MIS18BP1: variants seen among roughly 807,000 people sequenced by gnomAD.
MIS18BP1 encodes the protein MIS18 binding protein 1.
In MIS18BP1, 72 loss-of-function variants were observed where a neutral mutation model predicts 116.1. The observed-to-expected ratio is 0.62, with a 90% CI of 0.51 to 0.75. The LOEUF (loss-of-function observed/expected upper bound fraction) is 0.75. Ranked by LOEUF, MIS18BP1 falls within the 30% of genes least tolerant of loss-of-function variation. The probability of loss-of-function intolerance (pLI) is 0.00; values close to 1 mark genes in which losing one functional copy is unlikely to be tolerated. For synonymous variants in MIS18BP1, 386 were observed against 427.0 expected (o/e 0.90, Z 1.18); for missense variants, 1,363 against 1,303.2 (o/e 1.05, Z -0.71).
At chr14:45,219,398 A>G (rs576818360) in intron 11 of MIS18BP1, among the ~76,000 whole-genome samples, 69 of 152,212 alleles carry the variant, frequency 4.5e-4, no homozygotes, top group Admixed American at 8.5e-4. Flanking sequence ...TCAAGCTACC[A>G]ACATGTCACT....
At chr14:45,225,856 T>C (rs374833393) in intron 10 of MIS18BP1, among the ~76,000 whole-genome samples, 3 of 152,286 alleles carry the variant, frequency 2.0e-5, no homozygotes, top group South Asian at 2.1e-4. Flanking sequence ...TTATGTGCCA[T>C]TGTTTACAAG....
intron 2 of MIS18BP1, among the ~76,000 whole-genome samples, chr14:45,244,203 A>G (rs1037014392): frequency 1.1e-4 from 17 of 152,178 alleles, no homozygotes; most frequent in African/African-American, 3.9e-4. Flanking sequence ...CCTATGAGAC[A>G]TAGAGCAAGC....
intron 11 of MIS18BP1, among the ~76,000 whole-genome samples, 192 bp downstream of exon 11, chr14:45,223,726 C>A (rs1251775079): frequency 6.6e-6 from 1 of 152,186 alleles, no homozygotes; most frequent in Non-Finnish European, 1.5e-5. Flanking sequence ...CTCGTACTTT[C>A]CTCGTATTAG....
chr14:45,242,853 A>G lies in MIS18BP1; in HGVS notation c.566T>C (p.Leu189Pro). 7 of 1,611,306 alleles carry G rather than the reference A, an allele frequency of 4.3e-6. No homozygotes were observed. The highest frequency in any genetic ancestry group is 5.9e-6 in the Non-Finnish European group (7 of 1,178,350). Residue 189 changes from leucine (L) to proline (P), a missense_variant, in exon 3 of 17, where the codon CTA (leucine) becomes CCA (proline). By Grantham distance (98) the Leu-to-Pro change is moderately conservative. Transcript: ENST00000310806. ...GAAAATATCATTATTTGATGATTCT[A>G]GAGGAACTCCTTGGACTGAGGCTAA... The part of the protein sequence containing the change: ...SLRASVQGVP[L>P]ESSNNDIFLP...
chr14:45,229,645 A>T (rs1253945545), intron 8 of MIS18BP1, among the ~76,000 whole-genome samples: 1 of 152,200 alleles, frequency 6.6e-6, no homozygotes, highest in African/African-American at 2.4e-5. Flanking sequence ...TAATATTTGC[A>T]ATTAAGATCA....
At chr14:45,252,738 G>A (rs1208619708) in intron 1 of MIS18BP1, among the ~76,000 whole-genome samples, 3 of 150,232 alleles carry the variant, frequency 2.0e-5, no homozygotes, top group Non-Finnish European at 2.9e-5. Context: ...GTTGGGTACT[G>A]AGGAATACAA....
chr14:45,217,046 T>G lies in MIS18BP1; in HGVS notation c.2976A>C (p.Thr992=). ...PKDDHDDFFS[T]TPLQHQRILL... ...GTATTCTTTGATGCTGTAAAGGTGT[T>G]GTACTGAAAAAATCATCATGGTCAT... The change falls in exon 13 of 17, where the codon ACA becomes ACC. Residue 992 remains threonine, a synonymous_variant. Transcript: ENST00000310806. 1 of 1,614,098 alleles carries G rather than the reference T, an allele frequency of 6.2e-7. No homozygotes were observed. The highest frequency in any genetic ancestry group is 8.5e-7 in the Non-Finnish European group (1 of 1,179,980).
At position 45,227,768 on chromosome 14, in the gene MIS18BP1, T is replaced by A. The variant is rs1286880982; in HGVS notation, c.1641A>T (p.Leu547Phe). ...TTTGGCAATTACTGTGGCACATGTTTAATTCTGTAGCTCCTGGTGACTCAC... is the reference window on the plus strand; with the variant it reads ...TTTGGCAATTACTGTGGCACATGTTAAATTCTGTAGCTCCTGGTGACTCAC... Reference protein sequence around the residue: ...KHSESPGATELNMCHSNCQNK... With the variant: ...KHSESPGATEFNMCHSNCQNK... Residue 547 changes from leucine to phenylalanine, a missense_variant, in exon 9 of 17, where the codon TTA (leucine) becomes TTT (phenylalanine). Coordinates refer to ENST00000310806, the MANE Select transcript of MIS18BP1 (RefSeq NM_018353.5). The A allele has an allele frequency of 6.2e-7, 1 of 1,614,068 alleles. No individual in the cohort carries two copies.
At chr14:45,251,832 TTC>T (rs1421693148) in intron 1 of MIS18BP1, among the ~76,000 whole-genome samples, 6 of 152,236 alleles carry the variant, frequency 3.9e-5, no homozygotes, top group African/African-American at 7.2e-5. Flanking sequence ...ACAGTGAGAT[TTC>T]TTTTTCATAT....
chr14:45,224,659 A>T lies in MIS18BP1; in HGVS notation c.1928T>A (p.Ile643Asn). 1 of 1,612,366 alleles carries T rather than the reference A, an allele frequency of 6.2e-7. No individual in the cohort carries two copies. Among genetic ancestry groups the T allele is most frequent in the Non-Finnish European group, 8.5e-7 (1 of 1,179,520 alleles). ...TAAAATATAAGCTTTCTTCTGATTG[A>T]TGGCCATGTATTTTCTTTCTTCATC... ...FSDEERKYMA[I>N]NQKKAYILVT... Residue 643 changes from isoleucine to asparagine, a missense_variant, in exon 11 of 17, where the codon ATC becomes AAC. Physicochemically the swap from Ile to Asn is moderately radical, Grantham distance 149. Transcript: ENST00000310806.
Position 45,224,114 on chromosome 14 carries a change from C to A in MIS18BP1, c.2473G>T (p.Glu825Ter). 6.2e-7 allele frequency: 1 copy of A among 1,612,482 alleles called. No individual in the cohort carries two copies. Among genetic ancestry groups the A allele is most frequent in the Non-Finnish European group, 8.5e-7 (1 of 1,179,688 alleles). The change falls in exon 11 of 17, where the codon GAA (glutamate) becomes TAA (stop). Residue 825 changes from glutamate (E) to a stop codon, truncating the protein, a stop_gained. Coordinates refer to ENST00000310806, the MANE Select transcript of MIS18BP1 (RefSeq NM_018353.5). LOFTEE classifies it high-confidence loss of function. ...VILEPETEESENEFYIKQKKA... is the reference protein window; with the variant it reads ...VILEPETEES ...TTTTGTTTGATATAAAATTCATTTT[C>A]ACTTTCTTCAGTTTCAGGTTCCAAA...
At chr14:45,247,496 G>A (rs1891755329) in intron 1 of MIS18BP1, 119 bp from the exon 2 acceptor site, 4 of 400,312 alleles carry the variant, frequency 1.0e-5, no homozygotes, top group Non-Finnish European at 1.3e-5. Flanking sequence ...AACAATACTA[G>A]ATAATCACAA....
chr14:45,215,553 T>TAA, intron 13 of MIS18BP1, among the ~76,000 whole-genome samples: 1 of 150,904 alleles, frequency 6.6e-6, no homozygotes, highest in African/African-American at 2.4e-5. Flanking sequence ...GCTGGGATTA[T>TAA]AGGTGCATGC....
chr14:45,210,111 T>C lies in MIS18BP1; in HGVS notation c.3152+269A>G, dbSNP rs570063342. 186 of 216,864 alleles carry C rather than the reference T, an allele frequency of 8.6e-4. 1 individual carries two copies. The highest frequency in any genetic ancestry group is 5.2e-3 in the African/African-American group (180 of 34,764). 13.4% of individuals were successfully genotyped at this position (216,864 alleles called of 1,614,324 possible). ...AAATAATTCTCCAAGGTTTCTTTAG[T>C]TTTTTTTTTTTAAAGTTTTTTACAA... On this transcript the variant is annotated intron_variant, in intron 14 of 16. Transcript: ENST00000310806.
intron 11 of MIS18BP1, among the ~76,000 whole-genome samples, chr14:45,223,515 T>G (rs755048102): frequency 2.0e-5 from 3 of 152,158 alleles, no homozygotes; most frequent in Non-Finnish European, 4.4e-5. Flanking sequence ...AGGCAGAGGT[T>G]GCAGTAACCG....
At chr14:45,216,058 A>G (rs1349988306) in intron 13 of MIS18BP1, among the ~76,000 whole-genome samples, 1 of 152,194 alleles carries the variant, frequency 6.6e-6, no homozygotes, top group Non-Finnish European at 1.5e-5. Flanking sequence ...AAAGTCTTAA[A>G]TGTGCATTTA....
At position 45,219,840 on chromosome 14, in the gene MIS18BP1, T is replaced by C. The variant is rs547013420; in HGVS notation, c.2670-1386A>G. ...TTTCTAAATCTACGACTGTCTAAAATAACTATTACATAACACAAATAATAA... is the reference window on the plus strand; with the variant it reads ...TTTCTAAATCTACGACTGTCTAAAACAACTATTACATAACACAAATAATAA... On this transcript the variant is annotated intron_variant, in intron 11 of 16. Transcript: ENST00000310806. Among the ~76,000 whole-genome samples the C allele has an allele frequency of 1.2e-4, 18 of 152,354 alleles. No homozygotes were observed. The South Asian group carries it at 2.3e-3, about 19-fold the overall frequency.
At chr14:45,223,754 C>A (rs1174989641) in intron 11 of MIS18BP1, among the ~76,000 whole-genome samples, 164 bp downstream of exon 11, 1 of 152,126 alleles carries the variant, frequency 6.6e-6, no homozygotes, top group Non-Finnish European at 1.5e-5. Context: ...CACAAAAATA[C>A]CACTAGGAGT....
intron 12 of MIS18BP1, among the ~76,000 whole-genome samples, chr14:45,218,047 C>T (rs149501391): frequency 1.3e-5 from 2 of 152,224 alleles, no homozygotes; most frequent in African/African-American, 2.4e-5. Flanking sequence ...ATCTCTGGAT[C>T]TAACTGCAGA....
Sources: gnomAD v4.1 joint callset for allele counts (sites outside exome capture counted in the v4.1 genomes callset) on GRCh38, gnomAD v4.1.1 for gene constraint, MANE v1.5 for transcripts, NCBI Gene and HGNC (gene_info 2026-07-23, HGNC 2026-07-21) for gene names.